KDM2B: variants seen among roughly 807,000 people sequenced by gnomAD.
The protein encoded by KDM2B is lysine demethylase 2B, also known as lysine-specific demethylase 2B.
KDM2B carries 26 observed loss-of-function variants against 150.0 expected under a neutral mutation model. That is an observed-to-expected ratio of 0.17 (90% confidence interval 0.13 to 0.24). The LOEUF (loss-of-function observed/expected upper bound fraction) is 0.24. Ranked by LOEUF, KDM2B falls within the 10% of genes least tolerant of loss-of-function variation. The pLI, the probability that KDM2B is intolerant of heterozygous loss-of-function variation, is 1.00. For synonymous variants in KDM2B, 734 were observed against 729.5 expected (o/e 1.01, Z -0.10); for missense variants, 1,265 against 1,816.9 (o/e 0.70, Z 5.52).
At chr12:121,511,281 A>AT (rs35590443) in intron 10 of KDM2B, among the ~76,000 whole-genome samples, 5,131 of 110,306 alleles carry the variant, frequency 0.047, 406 homozygotes, top group African/African-American at 0.15. Context: ...AATGCTAGGA[A>AT]TTTTTTTTTT....
chr12:121,438,795 T>C (rs1459775337), intron 22 of KDM2B, among the ~76,000 whole-genome samples: 1 of 150,784 alleles, frequency 6.6e-6, no homozygotes, highest in African/African-American at 2.4e-5. Flanking sequence ...TTTGATGAGA[T>C]GGGGATGTCC....
At chr12:121,450,313 C>CAA (rs563576089) in intron 13 of KDM2B, among the ~76,000 whole-genome samples, 2 of 99,114 alleles carry the variant, frequency 2.0e-5, no homozygotes, top group African/African-American at 7.0e-5. Context: ...GACTCTGTCT[C>CAA]AAAAAAAAAA....
chr12:121,446,128 GC>G (rs1566272546), intron 13 of KDM2B, among the ~76,000 whole-genome samples: 4 of 152,320 alleles, frequency 2.6e-5, no homozygotes, highest in African/African-American at 9.6e-5. Flanking sequence ...GGGCGCGGTG[GC>G]TCACGCCTGT....
chr12:121,559,228 A>G (rs1360884489), intron 4 of KDM2B, among the ~76,000 whole-genome samples: 1 of 152,026 alleles, frequency 6.6e-6, no homozygotes, highest in Non-Finnish European at 1.5e-5. Context: ...AGGCCAAGTG[A>G]CCGTCTTAGG....
In KDM2B at chr12:121,439,861, C is replaced by T; in HGVS notation, c.3825G>A (p.Leu1275=). 1 of 1,614,056 alleles carries T rather than the reference C, an allele frequency of 6.2e-7. No homozygotes were observed. The highest frequency in any genetic ancestry group is 8.5e-7 in the Non-Finnish European group (1 of 1,179,916). ...TTRDSLTEIN[L]SDCNKVTDQC... ...CGATGGGGGCCCCTGACTCACCAGA[C>T]AGGTTGATCTCGGTTAAGGAGTCTC... The change falls in exon 22 of 23, where the codon CTG becomes CTA. Residue 1275 remains leucine, a synonymous_variant. Coordinates refer to ENST00000377071, the MANE Select transcript of KDM2B (RefSeq NM_032590.5).
At position 121,443,757 on chromosome 12, in the gene KDM2B, G is replaced by A; in HGVS notation, c.2488C>T (p.His830Tyr). ...SLQTSPGSSS[H>Y]LSPRPPLGSS... is the part of the protein sequence containing the mutation. ...CCTAGAGGGGGCCTCGGCGAGAGGTGAGAGGAGGAACCGGGGGACGTTTGA... is the reference window on the plus strand; with the variant it reads ...CCTAGAGGGGGCCTCGGCGAGAGGTAAGAGGAGGAACCGGGGGACGTTTGA... Residue 830 changes from histidine to tyrosine, a missense_variant, in exon 17 of 23, where the codon CAC (histidine) becomes TAC (tyrosine). Physicochemically the swap from His to Tyr is moderately conservative, Grantham distance 83. Coordinates refer to ENST00000377071, the MANE Select transcript of KDM2B (RefSeq NM_032590.5). The A allele has an allele frequency of 1.2e-6, 2 of 1,610,270 alleles. No homozygotes were observed. Among genetic ancestry groups the A allele is most frequent in the South Asian group, 1.1e-5 (1 of 90,950 alleles).
At chr12:121,496,000 T>C (rs955654792) in intron 11 of KDM2B, among the ~76,000 whole-genome samples, 1 of 152,050 alleles carries the variant, frequency 6.6e-6, no homozygotes, top group Admixed American at 6.6e-5. Context: ...CTGCCAGACT[T>C]TGGCCTTGTG....
At chr12:121,579,235 T>G (rs1182642072) in intron 1 of KDM2B, among the ~76,000 whole-genome samples, 1 of 152,032 alleles carries the variant, frequency 6.6e-6, no homozygotes, top group Non-Finnish European at 1.5e-5. Context: ...CCCCGAAATG[T>G]GCTGGGCTTC....
intron 17 of KDM2B, 179 bp from the exon 18 acceptor site, chr12:121,443,209 CAAGG>C (rs1875486358): frequency 7.9e-6 from 5 of 636,216 alleles, no homozygotes; most frequent in Non-Finnish European, 1.4e-5. Context: ...CTGCAGCTTT[CAAGG>C]AAGAAGCTGG....
intron 22 of KDM2B, among the ~76,000 whole-genome samples, chr12:121,434,638 A>G (rs774703331): frequency 3.3e-5 from 5 of 152,180 alleles, no homozygotes; most frequent in Non-Finnish European, 7.3e-5. Context: ...GTTGCTGGAA[A>G]AATTGAATTT....
the KDM2B span, among the ~76,000 whole-genome samples, chr12:121,421,051 C>T: frequency 1.3e-5 from 2 of 151,956 alleles, 1 homozygote; most frequent in Non-Finnish European, 2.9e-5. Flanking sequence ...TTGTTACAAC[C>T]CTAATTAAAT....
intron 4 of KDM2B, among the ~76,000 whole-genome samples, chr12:121,552,072 T>A (rs2142062409): frequency 6.6e-6 from 1 of 152,284 alleles, no homozygotes; most frequent in Admixed American, 6.5e-5. Context: ...TGGCTCAAGC[T>A]CCCCAGAGTA....
intron 12 of KDM2B, among the ~76,000 whole-genome samples, chr12:121,476,260 A>G (rs1291424539): frequency 1.3e-5 from 2 of 150,382 alleles, no homozygotes; most frequent in Non-Finnish European, 3.0e-5. Context: ...GTGCCATTAC[A>G]CTCCAGCCTG....
Position 121,441,103 on chromosome 12 carries a change from T to C in KDM2B, c.3415A>G (p.Lys1139Glu). Residue 1139 changes from lysine (K) to glutamate (E), a missense_variant, in exon 20 of 23, where the codon AAG becomes GAG. Physicochemically the swap from Lys to Glu is moderately conservative, Grantham distance 56. Coordinates refer to ENST00000377071, the MANE Select transcript of KDM2B (RefSeq NM_032590.5). ...CGGTTGATGAGCCAGCTCAGCTGCT[T>C]CTTGGAGATATTGGTCCAGCTGAGG... ...LDLSWTNISK[K>E]QLSWLINRLP... 6.2e-7 allele frequency: 1 copy of C among 1,614,172 alleles called. No individual in the cohort carries two copies. Among genetic ancestry groups the C allele is most frequent in the South Asian group, 1.1e-5 (1 of 91,084 alleles).
At chr12:121,562,655 G>T (rs1377755240) in intron 4 of KDM2B, among the ~76,000 whole-genome samples, 2 of 151,298 alleles carry the variant, frequency 1.3e-5, no homozygotes, top group Admixed American at 1.3e-4. Context: ...CATGGAGGAG[G>T]AGGAGGAGGA....
At chr12:121,544,744 C>T (rs1225180170) in intron 6 of KDM2B, among the ~76,000 whole-genome samples, 1 of 151,968 alleles carries the variant, frequency 6.6e-6, no homozygotes, top group East Asian at 1.9e-4. Flanking sequence ...GAAACCCTGT[C>T]TCTACTAAAA....
the KDM2B span, among the ~76,000 whole-genome samples, chr12:121,414,518 A>G: frequency 6.6e-6 from 1 of 151,640 alleles, no homozygotes; most frequent in African/African-American, 2.4e-5. Flanking sequence ...AGAGACAAGG[A>G]AAAAACCATA....
At chr12:121,567,925 C>T (rs1006098581) in intron 4 of KDM2B, among the ~76,000 whole-genome samples, 4 of 151,916 alleles carry the variant, frequency 2.6e-5, no homozygotes, top group African/African-American at 9.7e-5. Flanking sequence ...CACTGAGTTT[C>T]ACCATGTTGG....
intron 6 of KDM2B, among the ~76,000 whole-genome samples, chr12:121,536,844 C>T (rs1174057730): frequency 3.9e-5 from 6 of 152,170 alleles, no homozygotes; most frequent in Admixed American, 3.3e-4. Context: ...AGGAGCTCGC[C>T]TCTTGGGCTG....
Sources: allele counts gnomAD v4.1 joint callset (sites outside exome capture counted in the v4.1 genomes callset), GRCh38; gene constraint gnomAD v4.1.1; transcripts MANE v1.5; gene names NCBI Gene and HGNC (gene_info 2026-07-23, HGNC 2026-07-21).